Variants in MN1 observed in about 807,000 individuals in gnomAD.
MN1 encodes MN1 proto-oncogene, transcriptional regulator.
In MN1, 19 loss-of-function variants were observed where a neutral mutation model predicts 86.9. The ratio of observed to expected loss-of-function variants is 0.22; its 90% CI spans 0.15 to 0.32. MN1 has a LOEUF of 0.32. Among genes scored for constraint, MN1 ranks in the 10% least tolerant of loss-of-function variants. The pLI, the probability that MN1 is intolerant of heterozygous loss-of-function variation, is 1.00. For synonymous variants in MN1, 928 were observed against 849.6 expected, an observed-to-expected ratio of 1.09 and a Z score of -1.60; for missense variants, 1,841 against 1,862.0, an observed-to-expected ratio of 0.99 and a Z score of 0.21.
Position 27,799,413 on chromosome 22 carries a change from C to G in MN1, c.1131G>C (p.Ala377=). ...LLVRQNSCPP[A]LPRPQQGEAG... is the part of the protein sequence containing the mutation. ...CCTCGCCCTGCTGGGGCCGAGGGAG[C>G]GCAGGCGGGCACGAATTTTGTCGGA... Residue 377 remains alanine, a synonymous_variant, in exon 1 of 2, where the codon GCG becomes GCC. Transcript: ENST00000302326. 1 of 1,489,592 alleles carries G rather than the reference C, an allele frequency of 6.7e-7. No homozygotes were observed. The highest frequency in any genetic ancestry group is 8.9e-7 in the Non-Finnish European group (1 of 1,124,970). 92.3% of individuals were successfully genotyped at this position (1,489,592 alleles called of 1,614,324 possible).
At chr22:27,788,408 C>G (rs1933166351) in intron 1 of MN1, among the ~76,000 whole-genome samples, 1 of 152,172 alleles carries the variant, frequency 6.6e-6, no homozygotes, top group South Asian at 2.1e-4. Flanking sequence ...AATTCTCAAC[C>G]AACCCCTGCT....
intron 1 of MN1, among the ~76,000 whole-genome samples, chr22:27,795,279 A>G (rs1397219365): frequency 6.6e-6 from 1 of 152,142 alleles, no homozygotes; most frequent in Non-Finnish European, 1.5e-5. Flanking sequence ...CATGAATTAG[A>G]AAACCTAAGC....
intron 1 of MN1, among the ~76,000 whole-genome samples, chr22:27,756,037 G>A (rs1010084349): frequency 4.6e-5 from 7 of 152,234 alleles, no homozygotes; most frequent in East Asian, 1.9e-4. Context: ...CGCTTAGCAC[G>A]TGGGGCGCTC....
At chr22:27,771,081 C>T (rs1932910284) in intron 1 of MN1, among the ~76,000 whole-genome samples, 1 of 152,098 alleles carries the variant, frequency 6.6e-6, no homozygotes, top group Non-Finnish European at 1.5e-5. Flanking sequence ...AAGCACACTT[C>T]ATCTGTCAAC....
chr22:27,749,564 TCAGAG>T lies in MN1; in HGVS notation c.*1346_*1350del, dbSNP rs1932741440. Reference sequence around the variant, plus strand: ...CCTGCCAACCACCACTCATCTCTGCTCAGAGCAGTTATTCCTTTGTGAGATGCTTG... The same window carrying T: ...CCTGCCAACCACCACTCATCTCTGCTCAGTTATTCCTTTGTGAGATGCTTG... On this transcript the variant is annotated 3_prime_UTR_variant, in exon 2 of 2. Transcript: ENST00000302326. 4.3e-6 allele frequency: 1 copy of T among 232,302 alleles called. No homozygotes were observed. The highest frequency in any genetic ancestry group is 2.2e-5 in the African/African-American group (1 of 45,268). The allele number at this position is 232,302 out of a possible 1,614,324, so 14.4% of individuals were successfully genotyped here. A position where few individuals can be genotyped will look rare whatever the true frequency, so the allele number is the denominator to read the frequency against.
At chr22:27,768,555 C>T (rs1418050717) in intron 1 of MN1, among the ~76,000 whole-genome samples, 2 of 152,186 alleles carry the variant, frequency 1.3e-5, no homozygotes, top group Non-Finnish European at 2.9e-5. Flanking sequence ...GCCTTGGGAG[C>T]TCCTACAAGC....
At chr22:27,757,331 G>A (rs919732639) in intron 1 of MN1, among the ~76,000 whole-genome samples, 7 of 152,172 alleles carry the variant, frequency 4.6e-5, no homozygotes, top group African/African-American at 1.4e-4. Flanking sequence ...CACCGCACCC[G>A]GCGCACTCTT....
At chr22:27,776,697 C>G (rs150658607) in intron 1 of MN1, among the ~76,000 whole-genome samples, 1 of 152,034 alleles carries the variant, frequency 6.6e-6, no homozygotes, top group Admixed American at 6.6e-5. Context: ...CGCCTTGAAG[C>G]TGGCATGCTG....
In MN1 at chr22:27,800,775, C is replaced by A; in HGVS notation, c.-232G>T. On this transcript the variant is annotated 5_prime_UTR_variant, in exon 1 of 2. Transcript: ENST00000302326. The stretch of plus-strand genomic sequence containing the variant: ...GGAGGGCCTCTCACATCTTGCGAGG[C>A]CGCGGGGCCTCTAGGAGCCGTGTTG... The A allele has an allele frequency of 1.7e-6, 1 of 598,712 alleles. No homozygotes were observed. The highest frequency in any genetic ancestry group is 2.9e-6 in the Non-Finnish European group (1 of 343,410). The allele number at this position is 598,712 out of a possible 1,614,324, so 37.1% of individuals were successfully genotyped here.
At position 27,799,383 on chromosome 22, in the gene MN1, G is replaced by T; in HGVS notation, c.1161C>A (p.Gly387=). ...CGTCCTGCAGGCCGCCGCTGGGCGT[G>T]CCCGCCTCGCCCTGCTGGGGCCGAG... The part of the protein sequence containing the change: ...ALPRPQQGEA[G]TPSGGLQDGG... Residue 387 remains glycine (G), a synonymous_variant, in exon 1 of 2, where the codon GGC becomes GGA. Transcript: ENST00000302326. The T allele has an allele frequency of 6.6e-7, 1 of 1,526,248 alleles. No individual in the cohort carries two copies. Among genetic ancestry groups the T allele is most frequent in the East Asian group, 2.3e-5 (1 of 43,250 alleles). 94.5% of individuals were successfully genotyped at this position (1,526,248 alleles called of 1,614,324 possible).
intron 1 of MN1, among the ~76,000 whole-genome samples, chr22:27,787,344 A>G (rs1933148314): frequency 1.3e-5 from 2 of 152,140 alleles, no homozygotes; most frequent in African/African-American, 2.4e-5. Context: ...AAAATGGCCA[A>G]TTTGTTTTTA....
intron 1 of MN1, among the ~76,000 whole-genome samples, chr22:27,760,836 A>G (rs1360178527): frequency 1.3e-5 from 2 of 152,212 alleles, no homozygotes; most frequent in Non-Finnish European, 2.9e-5. Flanking sequence ...AGGAAAAGGG[A>G]AAGCAGACCA....
At position 27,798,945 on chromosome 22, in the gene MN1, T is replaced by TGC. The variant is rs1933372448; in HGVS notation, c.1598_1599insGC (p.Gln534HisfsTer25). ...GCTGTTGCTGCTGCTGCTGCTGCTG[T>TGC]TGCTGCTGCTGCTGCTGCTGCTGCT... On this transcript the variant is annotated frameshift_variant, in exon 1 of 2. Coordinates refer to ENST00000302326, the MANE Select transcript of MN1 (RefSeq NM_002430.3). LOFTEE classifies it high-confidence loss of function. The TGC allele has an allele frequency of 2.1e-4, 328 of 1,539,788 alleles. No individual in the cohort carries two copies. The African/African-American group carries it at 3.1e-3, about 15-fold the overall frequency.
chr22:27,769,718 T>A (rs1187494385), intron 1 of MN1, among the ~76,000 whole-genome samples: 1 of 150,492 alleles, frequency 6.6e-6, no homozygotes, highest in Non-Finnish European at 1.5e-5. Context: ...GCCCTGTTAA[T>A]TTTTTTTTGG....
intron 1 of MN1, among the ~76,000 whole-genome samples, chr22:27,771,420 T>G (rs1444009147): frequency 6.6e-6 from 1 of 151,282 alleles, no homozygotes; most frequent in East Asian, 1.9e-4. Flanking sequence ...GGTAGGGGGG[T>G]CTCACTATGT....
chr22:27,800,149 C>T lies in MN1; in HGVS notation c.395G>A (p.Arg132His), dbSNP rs994464931. 1.9e-6 allele frequency: 3 copies of T among 1,554,436 alleles called. No individual in the cohort carries two copies. The highest frequency in any genetic ancestry group is 1.4e-5 in the African/African-American group (1 of 73,096). The change falls in exon 1 of 2, where the codon CGC becomes CAC. Residue 132 changes from arginine (R) to histidine (H), a missense_variant. Coordinates refer to ENST00000302326, the MANE Select transcript of MN1 (RefSeq NM_002430.3). ...DPGASCLHGG[R>H]LLGYGGAAGG... ...GGCTGCGCCGCCGTAGCCGAGCAGG[C>T]GACCCCCGTGCAGGCACGAGGCCCC...
chr22:27,797,452 C>T lies in MN1; in HGVS notation c.3092G>A (p.Gly1031Glu). Residue 1031 changes from glycine (G) to glutamate (E), a missense_variant, in exon 1 of 2, where the codon GGG (glycine) becomes GAG (glutamate). Coordinates refer to ENST00000302326, the MANE Select transcript of MN1 (RefSeq NM_002430.3). ...QPDLIGSLDG[G>E]AKSDSSSPNV... is the part of the protein sequence containing the mutation. ...TGGCGAACTACTGTCCGACTTGGCC[C>T]CGCCGTCCAGGGACCCAATGAGGTC... 1 of 1,604,590 alleles carries T rather than the reference C, an allele frequency of 6.2e-7. No homozygotes were observed. The highest frequency in any genetic ancestry group is 8.5e-7 in the Non-Finnish European group (1 of 1,175,666).
intron 1 of MN1, among the ~76,000 whole-genome samples, chr22:27,757,380 C>T (rs1354780304): frequency 1.3e-5 from 2 of 152,186 alleles, no homozygotes; most frequent in Admixed American, 1.3e-4. Context: ...GCTAGAAGTG[C>T]CACGTGCCAG....
chr22:27,778,055 G>A (rs1175911524), intron 1 of MN1, among the ~76,000 whole-genome samples: 4 of 152,078 alleles, frequency 2.6e-5, no homozygotes, highest in South Asian at 4.2e-4. Flanking sequence ...TGGAGAACCC[G>A]TCACCATATA....
Sources: gnomAD v4.1 joint callset for allele counts (sites outside exome capture counted in the v4.1 genomes callset) on GRCh38, gnomAD v4.1.1 for gene constraint, MANE v1.5 for transcripts, NCBI Gene and HGNC (gene_info 2026-07-23, HGNC 2026-07-21) for gene names.